Variants in C1QTNF3 observed in about 807,000 individuals in gnomAD.
C1QTNF3 encodes the protein complement C1q tumor necrosis factor-related protein 3.
C1QTNF3 carries 26 observed loss-of-function variants against 32.6 expected under a neutral mutation model. The ratio of observed to expected loss-of-function variants is 0.80; its 90% confidence interval spans 0.58 to 1.11. C1QTNF3 has a LOEUF of 1.11. C1QTNF3 is among the 50% of genes least tolerant of loss of function. The probability of loss-of-function intolerance (pLI) is 0.00; values close to 1 mark genes in which losing one functional copy is unlikely to be tolerated. For missense variants in C1QTNF3, 362 were observed against 398.2 expected, an observed-to-expected ratio of 0.91 and a Z score of 0.77; for synonymous variants, 155 against 146.0, an observed-to-expected ratio of 1.06 and a Z score of -0.44.
upstream of C1QTNF3, among the ~76,000 whole-genome samples, chr5:34,047,405 G>T (rs541907606): frequency 6.6e-5 from 10 of 152,364 alleles, no homozygotes; most frequent in African/African-American, 2.4e-4. Flanking sequence ...AAGATGTGTA[G>T]GTACTCCGTG....
the C1QTNF3 span, among the ~76,000 whole-genome samples, chr5:34,129,474 G>A: frequency 6.6e-6 from 1 of 152,142 alleles, no homozygotes; most frequent in South Asian, 2.1e-4. Flanking sequence ...ATATTTCTGT[G>A]AGACAGGAGA....
the C1QTNF3 span, among the ~76,000 whole-genome samples, chr5:34,056,845 T>C: frequency 2.0e-5 from 3 of 152,000 alleles, no homozygotes; most frequent in Non-Finnish European, 2.9e-5. Context: ...GTCCAGGTAG[T>C]TGAGACATTT....
the C1QTNF3 span, chr5:34,168,647 T>C: frequency 6.6e-6 from 1 of 151,816 alleles, no homozygotes; most frequent in Non-Finnish European, 1.5e-5. Flanking sequence ...ACAACAGCTG[T>C]GAGATGGGGA....
intron 1 of C1QTNF3, among the ~76,000 whole-genome samples, chr5:34,037,929 G>A (rs1754780462): frequency 6.6e-6 from 1 of 152,132 alleles, no homozygotes; most frequent in East Asian, 1.9e-4. Context: ...GAAAATCCAG[G>A]GCTCTGCCAA....
chr5:34,051,957 G>T, the C1QTNF3 span, among the ~76,000 whole-genome samples: 9 of 152,314 alleles, frequency 5.9e-5, no homozygotes, highest in East Asian at 1.2e-3. Context: ...GAGTGACTGG[G>T]TGGAGGAGAA....
intron 2 of C1QTNF3, among the ~76,000 whole-genome samples, chr5:34,034,261 G>A (rs1215320883): frequency 6.6e-6 from 1 of 152,206 alleles, no homozygotes; most frequent in Non-Finnish European, 1.5e-5. Context: ...GGGAAAAAAA[G>A]ACAAGAATAA....
chr5:34,187,212 C>T, the C1QTNF3 span, among the ~76,000 whole-genome samples: 1 of 152,416 alleles, frequency 6.6e-6, no homozygotes, highest in East Asian at 1.9e-4. Flanking sequence ...TGAGGCCTCC[C>T]CAGCCATGCA....
the C1QTNF3 span, among the ~76,000 whole-genome samples, chr5:34,219,336 T>C: frequency 5.3e-5 from 8 of 151,968 alleles, no homozygotes; most frequent in South Asian, 1.7e-3. Flanking sequence ...TGTCTCTTTG[T>C]ACAATATTAA....
chr5:34,226,277 A>G, the C1QTNF3 span, among the ~76,000 whole-genome samples: 2 of 151,980 alleles, frequency 1.3e-5, no homozygotes, highest in Non-Finnish European at 2.9e-5. Flanking sequence ...AATGGTAATT[A>G]AAGCTATTGT....
At chr5:34,195,521 C>T in the C1QTNF3 span, among the ~76,000 whole-genome samples, 21 of 152,068 alleles carry the variant, frequency 1.4e-4, no homozygotes, top group South Asian at 6.2e-4. Flanking sequence ...CCATCTGCTA[C>T]AGACTGCATG....
chr5:34,043,916 CCT>C (rs1176910610), upstream of C1QTNF3: 1 of 152,184 alleles, frequency 6.6e-6, no homozygotes, highest in Non-Finnish European at 1.5e-5. Context: ...GTCTCTGGCT[CCT>C]CTTTCTTTTG....
At chr5:34,221,925 G>A in the C1QTNF3 span, among the ~76,000 whole-genome samples, 1 of 151,962 alleles carries the variant, frequency 6.6e-6, no homozygotes, top group Non-Finnish European at 1.5e-5. Flanking sequence ...CCCAGCAATA[G>A]AGCATTTCTT....
chr5:34,087,698 T>C, the C1QTNF3 span, among the ~76,000 whole-genome samples: 1,823 of 150,120 alleles, frequency 0.012, 6 homozygotes, highest in South Asian at 0.03. Flanking sequence ...CTCAGCCTCC[T>C]GAGGTAGCTG....
At chr5:34,028,697 A>C in intron 4 of C1QTNF3, 57 bp downstream of exon 4, 1 of 1,459,250 alleles carries the variant, frequency 6.9e-7, no homozygotes, top group Non-Finnish European at 9.2e-7. Context: ...TTCCTTCCTT[A>C]ATTGTCTTTA....
At chr5:34,056,475 TATATAGAG>T in the C1QTNF3 span, among the ~76,000 whole-genome samples, 604 of 101,134 alleles carry the variant, frequency 6.0e-3, 1 homozygote, top group Middle Eastern at 9.8e-3. Flanking sequence ...TATATATATA[TATATAGAG>T]AGAGAGAGAG....
intron 4 of C1QTNF3, among the ~76,000 whole-genome samples, chr5:34,028,248 A>G (rs1039761122): frequency 2.6e-5 from 4 of 152,224 alleles, no homozygotes; most frequent in African/African-American, 9.6e-5. Context: ...CTGGGATTAC[A>G]GGCATGAGCC....
chr5:34,239,013 CCA>C, the C1QTNF3 span, among the ~76,000 whole-genome samples: 10 of 152,088 alleles, frequency 6.6e-5, no homozygotes, highest in African/African-American at 2.4e-4. Flanking sequence ...AAAATAAATT[CCA>C]GGCAAGAATT....
the C1QTNF3 span, among the ~76,000 whole-genome samples, chr5:34,148,094 C>G: frequency 6.6e-6 from 1 of 150,996 alleles, no homozygotes; most frequent in Non-Finnish European, 1.5e-5. Context: ...AAAGGGGTGA[C>G]GGACGCACCT....
the C1QTNF3 span, among the ~76,000 whole-genome samples, chr5:34,160,203 G>C: frequency 2.6e-5 from 4 of 152,140 alleles, no homozygotes; most frequent in African/African-American, 9.7e-5. Context: ...ACCTACTATA[G>C]ATTTGCAAAG....
Sources: allele counts gnomAD v4.1 joint callset (sites outside exome capture counted in the v4.1 genomes callset), GRCh38; gene constraint gnomAD v4.1.1; transcripts MANE v1.5; gene names NCBI Gene and HGNC (gene_info 2026-07-23, HGNC 2026-07-21).